Variants in TNIP1 observed in about 807,000 individuals in gnomAD.
TNIP1 encodes TNFAIP3 interacting protein 1, also known as TNFAIP3-interacting protein 1.
A neutral mutation model predicts 86.6 loss-of-function variants in TNIP1; 22 were observed. The observed-to-expected ratio is 0.25, with a 90% CI of 0.18 to 0.36. The LOEUF (loss-of-function observed/expected upper bound fraction) is 0.36. Ranked by LOEUF, TNIP1 falls within the 10% of genes least tolerant of loss-of-function variation. The probability of loss-of-function intolerance (pLI) is 1.00; values close to 1 mark genes in which losing one functional copy is unlikely to be tolerated. For missense variants in TNIP1, 709 were observed against 820.6 expected (o/e 0.86, Z 1.66); for synonymous variants, 294 against 313.0 (o/e 0.94, Z 0.64).
intron 1 of TNIP1, among the ~76,000 whole-genome samples, chr5:151,073,851 A>G (rs1279537809): frequency 6.6e-6 from 1 of 152,130 alleles, no homozygotes; most frequent in Non-Finnish European, 1.5e-5. Context: ...GTGAGCTATG[A>G]TCATGCCACT....
intron 8 of TNIP1, 140 bp from the exon 9 acceptor site, chr5:151,046,090 T>C: frequency 1.5e-6 from 1 of 685,434 alleles, no homozygotes; most frequent in Non-Finnish European, 2.6e-6. Flanking sequence ...AGGACACCAC[T>C]AACCATCCCA....
At chr5:151,031,096 C>T (rs535021863) in intron 17 of TNIP1, among the ~76,000 whole-genome samples, 1 of 152,318 alleles carries the variant, frequency 6.6e-6, no homozygotes, top group East Asian at 1.9e-4. Context: ...CCAATCTCTA[C>T]CACTCATCAA....
At chr5:151,058,737 A>C (rs552773823) in intron 5 of TNIP1, among the ~76,000 whole-genome samples, 2 of 152,304 alleles carry the variant, frequency 1.3e-5, no homozygotes, top group South Asian at 4.1e-4. Flanking sequence ...AGCTACAGGG[A>C]GCCTCAGAGA....
chr5:151,084,101 C>G (rs1391696735), upstream of TNIP1, among the ~76,000 whole-genome samples: 2 of 152,206 alleles, frequency 1.3e-5, no homozygotes, highest in Non-Finnish European at 2.9e-5. Flanking sequence ...GTCTTGCCAG[C>G]TAGCAAGACA....
rs1032710289 is a variant in TNIP1 at position 151,033,742 on chromosome 5, G to A, written c.1645C>T (p.Pro549Ser). The A allele has an allele frequency of 1.5e-6, 2 of 1,365,838 alleles. No individual in the cohort carries two copies. The highest frequency in any genetic ancestry group is 2.7e-5 in the East Asian group (1 of 36,386). The allele number at this position is 1,365,838 out of a possible 1,614,324, so 84.6% of individuals were successfully genotyped here. A position where few individuals can be genotyped will look rare whatever the true frequency, so the allele number is the denominator to read the frequency against. ...GCTGGCATGGGCGGGTAGGCGTAGG[G>A]GTAGGCCCCGCAGAGATGTTCTGGG... ...PHPEHLCGAY[P>S]YAYPPMPAMV... is the part of the protein sequence containing the mutation. The change falls in exon 16 of 18, where the codon CCC (proline) becomes TCC (serine). Residue 549 changes from proline (P) to serine (S), a missense_variant. By Grantham distance (74) the Pro-to-Ser change is moderately conservative. Transcript: ENST00000521591.
In TNIP1 at chr5:151,032,280, G is replaced by A. The variant is rs1372148706; in HGVS notation, c.1876+7C>T. ...GGGAGGACCAAGACTCAGTATTAGG[G>A]GCTCACCTGGTTCTGTAGGCCTGGC... On this transcript the variant is annotated splice_region_variant and intron_variant, in intron 17 of 17. Transcript: ENST00000521591. The A allele has an allele frequency of 5.6e-6, 9 of 1,611,462 alleles. No homozygotes were observed. Among genetic ancestry groups the A allele is most frequent in the Non-Finnish European group, 7.6e-6 (9 of 1,178,144 alleles).
Position 151,047,947 on chromosome 5 carries a change from G to A in TNIP1, c.846+1877C>T, listed in dbSNP as rs149730091. On this transcript the variant is annotated intron_variant, in intron 8 of 17. Coordinates refer to ENST00000521591, the MANE Select transcript of TNIP1 (RefSeq NM_006058.5). The stretch of plus-strand genomic sequence containing the variant: ...CTATTCTCAGCGTTCTCTTTCCAGC[G>A]TTCTCTTTCCCTCCACACTGCACCC... 4.5e-3 allele frequency among the ~76,000 whole-genome samples: 689 copies of A among 152,092 alleles called. 6 individuals are homozygous for A. The highest frequency in any genetic ancestry group is 0.016 in the African/African-American group (662 of 41,456).
chr5:151,059,420 G>A (rs984223748), intron 5 of TNIP1, among the ~76,000 whole-genome samples: 96 of 152,318 alleles, frequency 6.3e-4, no homozygotes, highest in African/African-American at 2.0e-3. Flanking sequence ...AGCCACCTGA[G>A]GGGGCCCTGC....
At chr5:151,061,102 T>A (rs1020013478) in intron 4 of TNIP1, among the ~76,000 whole-genome samples, 1 of 152,230 alleles carries the variant, frequency 6.6e-6, no homozygotes, top group Non-Finnish European at 1.5e-5. Context: ...CATCTTTCCG[T>A]CATTCCTAGT....
chr5:151,030,040 C>A lies in TNIP1; in HGVS notation c.*673G>T, dbSNP rs777405073. 1 of 456,614 alleles carries A rather than the reference C, an allele frequency of 2.2e-6. No individual in the cohort carries two copies. Among genetic ancestry groups the A allele is most frequent in the South Asian group, 1.5e-5 (1 of 64,572 alleles). The allele number at this position is 456,614 out of a possible 1,614,324, so 28.3% of individuals were successfully genotyped here. On this transcript the variant is annotated 3_prime_UTR_variant, in exon 18 of 18. Transcript: ENST00000521591. Reference sequence around the variant, plus strand: ...TAATCTGGGCTTCTGGCACCACAGGCCTCCAGCTATGGGGTCCAGGGTCTG... The same window carrying A: ...TAATCTGGGCTTCTGGCACCACAGGACTCCAGCTATGGGGTCCAGGGTCTG...
In TNIP1 at chr5:151,042,521, G is replaced by A; in HGVS notation, c.1134+19C>T. On this transcript the variant is annotated intron_variant, in intron 11 of 17. Transcript: ENST00000521591. ...TGTGGAGGGGAACTGACTCTGCAGG[G>A]ACCAGCAGTCACACTTGCCTCCTCC... 6.2e-7 allele frequency: 1 copy of A among 1,610,152 alleles called. No individual in the cohort carries two copies.
intron 1 of TNIP1, among the ~76,000 whole-genome samples, chr5:151,075,377 CG>C (rs1763269574): frequency 6.6e-6 from 1 of 151,814 alleles, no homozygotes; most frequent in Non-Finnish European, 1.5e-5. Context: ...ATTTTAGATT[CG>C]GGGGGTACAT....
intron 16 of TNIP1, 111 bp downstream of exon 16, chr5:151,033,497 T>C: frequency 1.4e-6 from 1 of 720,906 alleles, no homozygotes; most frequent in Non-Finnish European, 2.2e-6. Context: ...CACGGTGCTG[T>C]TTAGTTCAGA....
chr5:151,043,026 C>T, intron 9 of TNIP1, 65 bp from the exon 10 acceptor site: 1 of 1,511,712 alleles, frequency 6.6e-7, no homozygotes, highest in Non-Finnish European at 9.2e-7. Context: ...CCATCTCCTG[C>T]CCCATGTACA....
chr5:151,081,210 G>A (rs945776331), upstream of TNIP1: 2 of 152,100 alleles, frequency 1.3e-5, no homozygotes, highest in Non-Finnish European at 2.9e-5. Context: ...TCGTCCCTTC[G>A]GCGGCCTTCC....
rs913096829 is a variant in TNIP1 at position 151,035,770 on chromosome 5, G to A, written c.1396-63C>T. ...GTCCTGAGTGGGGATTTCTCCTCAG[G>A]CCCAGACTCCCATGCCTCCTGCTGG... On this transcript the variant is annotated intron_variant, in intron 13 of 17. Transcript: ENST00000521591. 1.5e-4 allele frequency: 235 copies of A among 1,598,748 alleles called. 1 individual carries two copies. Among genetic ancestry groups the A allele is most frequent in the Admixed American group, 5.2e-4 (31 of 59,498 alleles).
At position 151,056,566 on chromosome 5, in the gene TNIP1, C is replaced by CCATTTCCT. The variant is rs562305335; in HGVS notation, c.627+192_627+199dup. 7.9e-5 allele frequency among the ~76,000 whole-genome samples: 12 copies of CCATTTCCT among 151,568 alleles called. No individual in the cohort carries two copies. In the South Asian group the frequency reaches 2.5e-3, roughly 32 times the overall value. Reference sequence around the variant, plus strand: ...CTCGCATTGCCCATCCCGTATTTCCCCATTTCCTTCCTCTTCCTCATCCCT... The same window carrying CCATTTCCT: ...CTCGCATTGCCCATCCCGTATTTCCCCATTTCCTCATTTCCTTCCTCTTCCTCATCCCT... On this transcript the variant is annotated intron_variant, in intron 6 of 17. Coordinates refer to ENST00000521591, the MANE Select transcript of TNIP1 (RefSeq NM_006058.5).
At chr5:151,047,328 GTC>G (rs1335245709) in intron 8 of TNIP1, among the ~76,000 whole-genome samples, 4 of 152,146 alleles carry the variant, frequency 2.6e-5, no homozygotes, top group Non-Finnish European at 5.9e-5. Flanking sequence ...CAGCAAATAA[GTC>G]TATACTGAAA....
At chr5:151,035,159 C>A (rs559149957) in intron 14 of TNIP1, 92 bp from the exon 15 acceptor site, 9 of 1,396,780 alleles carry the variant, frequency 6.4e-6, no homozygotes, top group Admixed American at 3.8e-5. Context: ...GAGGACTGAC[C>A]GGCTGATGCT....
Sources: allele counts gnomAD v4.1 joint callset (sites outside exome capture counted in the v4.1 genomes callset), GRCh38; gene constraint gnomAD v4.1.1; transcripts MANE v1.5; gene names NCBI Gene and HGNC (gene_info 2026-07-23, HGNC 2026-07-21).